Variants in GATAD1 observed in about 807,000 individuals in gnomAD.
GATAD1 encodes the protein GATA zinc finger domain containing 1.
A neutral mutation model predicts 26.5 loss-of-function variants in GATAD1; 12 were observed. That is an observed-to-expected ratio of 0.45 (90% CI 0.29 to 0.73). The LOEUF (loss-of-function observed/expected upper bound fraction) is 0.73. Ranked by LOEUF, GATAD1 falls within the 30% of genes least tolerant of loss-of-function variation. GATAD1 has a pLI of 0.10. For missense variants in GATAD1, 266 were observed against 342.1 expected, an observed-to-expected ratio of 0.78 and a Z score of 1.75; for synonymous variants, 129 against 133.1, an observed-to-expected ratio of 0.97 and a Z score of 0.21.
the GATAD1 span, chr7:92,490,034 T>G: frequency 2.5e-6 from 2 of 796,430 alleles, no homozygotes; most frequent in Non-Finnish European, 4.1e-6. Flanking sequence ...TAAGTATACA[T>G]GTTAATTAAC....
At chr7:92,479,337 G>C in the GATAD1 span, among the ~76,000 whole-genome samples, 1 of 152,282 alleles carries the variant, frequency 6.6e-6, no homozygotes, top group African/African-American at 2.4e-5. Flanking sequence ...TATAGGATTT[G>C]GGTGGGTAGT....
the GATAD1 span, among the ~76,000 whole-genome samples, chr7:92,481,152 C>T: frequency 2.8e-4 from 43 of 152,072 alleles, no homozygotes; most frequent in African/African-American, 1.0e-3. Context: ...GTGGAACTGC[C>T]GTCAGTAAAC....
chr7:92,469,987 A>G, the GATAD1 span: 1 of 777,176 alleles, frequency 1.3e-6, no homozygotes, highest in African/African-American at 1.7e-5. Context: ...TTGGGAGATT[A>G]CTTCTTTTAC....
At chr7:92,460,285 T>C (rs962815866), downstream of GATAD1, among the ~76,000 whole-genome samples, 1 of 152,234 alleles carries the variant, frequency 6.6e-6, no homozygotes, top group Non-Finnish European at 1.5e-5. Flanking sequence ...AGAGGCATTT[T>C]TGTGGATTTT....
At chr7:92,451,909 A>G (rs1789450272) in intron 3 of GATAD1, among the ~76,000 whole-genome samples, 1 of 152,236 alleles carries the variant, frequency 6.6e-6, no homozygotes, top group Non-Finnish European at 1.5e-5. Context: ...AGGCAGTCTC[A>G]TGCCAGAGCT....
Position 92,447,680 on chromosome 7 carries a change from C to T in GATAD1, c.-50C>T. On this transcript the variant is annotated 5_prime_UTR_variant, in exon 1 of 5. Transcript: ENST00000287957. ...GACCAGGGGGCGGCCGGGCTACCGT[C>T]CGCCATTCCCGTGTCTCTGCGCCCG... The T allele has an allele frequency of 7.2e-7, 1 of 1,387,568 alleles. No homozygotes were observed. Among genetic ancestry groups the T allele is most frequent in the Non-Finnish European group, 9.3e-7 (1 of 1,070,216 alleles). The allele number at this position is 1,387,568 out of a possible 1,614,324, so 86.0% of individuals were successfully genotyped here.
At chr7:92,469,198 C>G in the GATAD1 span, 1 of 740,262 alleles carries the variant, frequency 1.4e-6, no homozygotes, top group African/African-American at 1.7e-5. Flanking sequence ...TAAACAGGTT[C>G]CCCCTCTTTC....
Position 92,447,965 on chromosome 7 carries a change from G to T in GATAD1, c.236G>T (p.Gly79Val), listed in dbSNP as rs1247888976. The change falls in exon 1 of 5, where the codon GGG becomes GTG. Residue 79 changes from glycine to valine, a missense_variant. Physicochemically the swap from Gly to Val is moderately radical, Grantham distance 109. Transcript: ENST00000287957. ...ACCCCTCCGCAGAGCAACGGGGGCG[G>T]GGGCGGCAAGCAGGTGAGCTCCTCC... ...SATPPQSNGG[G>V]GGKQSKQEIH... 1.6e-6 allele frequency: 2 copies of T among 1,223,296 alleles called. No individual in the cohort carries two copies. Among genetic ancestry groups the T allele is most frequent in the East Asian group, 6.6e-5 (2 of 30,258 alleles). 75.8% of individuals were successfully genotyped at this position (1,223,296 alleles called of 1,614,324 possible).
At chr7:92,454,708 GTT>G in intron 4 of GATAD1, 23 bp downstream of exon 4, 3 of 1,500,228 alleles carry the variant, frequency 2.0e-6, no homozygotes, top group Non-Finnish European at 2.7e-6. Flanking sequence ...AATGGCACAG[GTT>G]TTTTTTTAAC....
Position 92,447,639 on chromosome 7 carries a change from C to T in GATAD1, c.-91C>T. 7.6e-7 allele frequency: 1 copy of T among 1,318,278 alleles called. No individual in the cohort carries two copies. Among genetic ancestry groups the T allele is most frequent in the Non-Finnish European group, 9.7e-7 (1 of 1,028,484 alleles). 81.7% of individuals were successfully genotyped at this position (1,318,278 alleles called of 1,614,324 possible). A position where few individuals can be genotyped will look rare whatever the true frequency, so the allele number is the denominator to read the frequency against. ...GACGCTCTCACCGCTCTTCCTATCG[C>T]CGGGAGTGGCGGGCCGACCAGGGGG... On this transcript the variant is annotated 5_prime_UTR_variant, in exon 1 of 5. Coordinates refer to ENST00000287957, the MANE Select transcript of GATAD1 (RefSeq NM_021167.5).
At chr7:92,476,389 T>C in the GATAD1 span, among the ~76,000 whole-genome samples, 1 of 152,300 alleles carries the variant, frequency 6.6e-6, no homozygotes, top group Middle Eastern at 3.4e-3. Context: ...GGGTTAAGGA[T>C]TTTTGATAGG....
chr7:92,448,969 C>A, intron 2 of GATAD1, 92 bp downstream of exon 2: 1 of 1,292,042 alleles, frequency 7.7e-7, no homozygotes. Flanking sequence ...TTGGACTCTG[C>A]CCTTGGTAGC....
the GATAD1 span, chr7:92,493,485 TA>T: frequency 3.1e-5 from 5 of 160,298 alleles, no homozygotes; most frequent in Non-Finnish European, 6.7e-5. Flanking sequence ...AAATTAATAA[TA>T]AAATTATCTG....
At chr7:92,449,939 T>C (rs1789352619) in intron 2 of GATAD1, 1 of 152,214 alleles carries the variant, frequency 6.6e-6, no homozygotes, top group Non-Finnish European at 1.5e-5. Context: ...ACTAGTTGCT[T>C]CTAATTTATT....
chr7:92,447,918 GACCTTCGCCAGC>G lies in GATAD1; in HGVS notation c.194_205del (p.Phe65_Thr68del). The stretch of plus-strand genomic sequence containing the variant: ...GCGGCGGCGGCGGCTTCGGCGCGGC[GACCTTCGCCAGC>G]ACCTCCGCCACCCCTCCGCAGAGCA... On this transcript the variant is annotated inframe_deletion, in exon 1 of 5. Coordinates refer to ENST00000287957, the MANE Select transcript of GATAD1 (RefSeq NM_021167.5). 8.0e-7 allele frequency: 1 copy of G among 1,249,968 alleles called. No homozygotes were observed. The highest frequency in any genetic ancestry group is 1.0e-6 in the Non-Finnish European group (1 of 999,380). The allele number at this position is 1,249,968 out of a possible 1,614,324, so 77.4% of individuals were successfully genotyped here. A position where few individuals can be genotyped will look rare whatever the true frequency, so the allele number is the denominator to read the frequency against.
Position 92,459,368 on chromosome 7 carries a change from C to A in GATAD1, c.*2806C>A, listed in dbSNP as rs1364873937. 1 of 152,276 alleles carries A rather than the reference C, an allele frequency of 6.6e-6. No individual in the cohort carries two copies. The highest frequency in any genetic ancestry group is 2.4e-5 in the African/African-American group (1 of 41,548). 9.4% of individuals were successfully genotyped at this position (152,276 alleles called of 1,614,324 possible). A position where few individuals can be genotyped will look rare whatever the true frequency, so the allele number is the denominator to read the frequency against. ...TTTTAAAAATCTATAAATTGATCAT[C>A]TGTTTATAAATTGGCAGATGGTTGT... On this transcript the variant is annotated 3_prime_UTR_variant, in exon 5 of 5. Transcript: ENST00000287957.
chr7:92,483,564 G>T, the GATAD1 span, among the ~76,000 whole-genome samples: 6 of 152,242 alleles, frequency 3.9e-5, no homozygotes, highest in Non-Finnish European at 7.3e-5. Context: ...AGGGTCTAGG[G>T]CTGTAAAGCC....
At chr7:92,484,240 G>GT in the GATAD1 span, among the ~76,000 whole-genome samples, 1 of 152,148 alleles carries the variant, frequency 6.6e-6, no homozygotes, top group African/African-American at 2.4e-5. Context: ...GAGGTTTTAG[G>GT]TTTTTAAGAA....
At chr7:92,491,164 C>T in the GATAD1 span, 1 of 766,640 alleles carries the variant, frequency 1.3e-6, no homozygotes, top group African/African-American at 1.7e-5. Flanking sequence ...GAAGAACCAA[C>T]CAACCAGGAA....
Sources: allele counts gnomAD v4.1 joint callset (sites outside exome capture counted in the v4.1 genomes callset), GRCh38; gene constraint gnomAD v4.1.1; transcripts MANE v1.5; gene names NCBI Gene and HGNC (gene_info 2026-07-23, HGNC 2026-07-21).